Variants in HMCN1 observed in about 807,000 individuals in gnomAD.
HMCN1 encodes hemicentin 1.
HMCN1 carries 321 observed loss-of-function variants against 625.9 expected under a neutral mutation model. That is an observed-to-expected ratio of 0.51 (90% confidence interval 0.47 to 0.56). The LOEUF (loss-of-function observed/expected upper bound fraction) is 0.56, where lower values mean the gene tolerates loss of function less well. Among genes scored for constraint, HMCN1 ranks in the 20% least tolerant of loss-of-function variants. The pLI is 0.00. For synonymous variants in HMCN1, 2,425 were observed against 2,417.6 expected (o/e 1.00, Z -0.09); for missense variants, 6,588 against 6,887.3 (o/e 0.96, Z 1.54).
At chr1:186,027,598 T>G (rs2102182719) in intron 36 of HMCN1, among the ~76,000 whole-genome samples, 1 of 152,278 alleles carries the variant, frequency 6.6e-6, no homozygotes, top group South Asian at 2.1e-4. Context: ...GGAGGCTGTG[T>G]GAGGATTAAA....
At chr1:186,051,757 G>A (rs1656966435) in intron 42 of HMCN1, among the ~76,000 whole-genome samples, 1 of 152,052 alleles carries the variant, frequency 6.6e-6, no homozygotes, top group Admixed American at 6.6e-5. Context: ...GCTGAGTAGA[G>A]AAGTCGGTAA....
chr1:185,837,007 T>G (rs1661209567), intron 1 of HMCN1, among the ~76,000 whole-genome samples: 1 of 144,752 alleles, frequency 6.9e-6, no homozygotes, highest in African/African-American at 2.6e-5. Context: ...TATTCCATGG[T>G]GTGTGTGTGT....
intron 1 of HMCN1, among the ~76,000 whole-genome samples, chr1:185,763,204 A>G (rs1354929844): frequency 6.6e-6 from 1 of 152,220 alleles, no homozygotes; most frequent in Non-Finnish European, 1.5e-5. Context: ...GCACAAAGGC[A>G]CATGGCGACA....
At position 185,836,359 on chromosome 1, in the gene HMCN1, T is replaced by A. The variant is rs1205324983; in HGVS notation, c.269-9667T>A. On this transcript the variant is annotated intron_variant, in intron 1 of 106. Coordinates refer to ENST00000271588, the MANE Select transcript of HMCN1 (RefSeq NM_031935.3). ...CATTAATTTTTACTCTGGTGTTACC[T>A]TTCAGCACTTGTCCTTATGCACATG... Among the ~76,000 whole-genome samples the A allele has an allele frequency of 2.0e-5, 3 of 152,208 alleles. No homozygotes were observed. In the East Asian group the frequency reaches 5.8e-4, roughly 29 times the overall value.
chr1:186,113,910 C>A, intron 72 of HMCN1, 69 bp from the exon 73 acceptor site: 1 of 1,531,330 alleles, frequency 6.5e-7, no homozygotes, highest in Non-Finnish European at 9.0e-7. Flanking sequence ...TATATTACAT[C>A]TTCAGGGTCT....
At chr1:186,036,392 A>T (rs1254981057) in intron 36 of HMCN1, among the ~76,000 whole-genome samples, 1 of 152,078 alleles carries the variant, frequency 6.6e-6, no homozygotes, top group Non-Finnish European at 1.5e-5. Flanking sequence ...GGTGGCAGAC[A>T]AGAGAAGAGA....
intron 93 of HMCN1, among the ~76,000 whole-genome samples, chr1:186,150,569 A>G (rs1650602382): frequency 6.6e-6 from 1 of 152,168 alleles, no homozygotes; most frequent in African/African-American, 2.4e-5. Context: ...TCTAAAACCC[A>G]AGACTGAACA....
Position 185,870,522 on chromosome 1 carries a change from T to G in HMCN1, c.621+4659T>G, listed in dbSNP as rs115600331. ...GCCTGTTGTATTGGTCCGATTCTAA[T>G]AGATGTTACCATTACAATAAAAACA... On this transcript the variant is annotated intron_variant, in intron 4 of 106. Transcript: ENST00000271588. 8.6e-3 allele frequency among the ~76,000 whole-genome samples: 1,305 copies of G among 152,330 alleles called. 17 individuals carry two copies. Among genetic ancestry groups the G allele is most frequent in the African/African-American group, 0.03 (1,246 of 41,566 alleles).
At chr1:185,935,691 G>C (rs1190237033) in intron 11 of HMCN1, among the ~76,000 whole-genome samples, 1 of 152,086 alleles carries the variant, frequency 6.6e-6, no homozygotes, top group East Asian at 1.9e-4. Flanking sequence ...AGTTGGCCTT[G>C]AGTTTGAAGG....
intron 4 of HMCN1, among the ~76,000 whole-genome samples, chr1:185,871,003 G>C (rs957204875): frequency 6.6e-6 from 1 of 152,062 alleles, no homozygotes; most frequent in African/African-American, 2.4e-5. Context: ...AGGCCAAGGT[G>C]GGCGGATCAT....
intron 80 of HMCN1, among the ~76,000 whole-genome samples, chr1:186,120,771 G>A (rs1270897651): frequency 6.6e-6 from 1 of 152,022 alleles, no homozygotes; most frequent in Non-Finnish European, 1.5e-5. Context: ...AAATCTAATT[G>A]GTTTGTATTT....
intron 36 of HMCN1, among the ~76,000 whole-genome samples, chr1:186,030,763 T>G (rs1238536264): frequency 6.6e-6 from 1 of 151,914 alleles, no homozygotes; most frequent in Non-Finnish European, 1.5e-5. Context: ...GTTTTTCTCT[T>G]TCTCCATTGC....
chr1:186,055,213 A>G (rs948657910), intron 44 of HMCN1, among the ~76,000 whole-genome samples, 180 bp from the exon 45 acceptor site: 1 of 152,052 alleles, frequency 6.6e-6, no homozygotes, highest in Non-Finnish European at 1.5e-5. Flanking sequence ...CCCACTTAAC[A>G]CATTGGAGAA....
chr1:186,043,130 C>T (rs183031740), intron 40 of HMCN1, among the ~76,000 whole-genome samples: 51 of 152,146 alleles, frequency 3.4e-4, no homozygotes, highest in African/African-American at 1.1e-3. Context: ...TTCCCAGCAA[C>T]GACAACCCTA....
intron 95 of HMCN1, 32 bp from the exon 96 acceptor site, chr1:186,152,718 T>A (rs769008450): frequency 6.2e-7 from 1 of 1,613,032 alleles, no homozygotes; most frequent in South Asian, 1.1e-5. Flanking sequence ...CATATTTTTT[T>A]GCTGTCAAAA....
At chr1:185,847,300 G>A (rs1374297168) in intron 2 of HMCN1, among the ~76,000 whole-genome samples, 2 of 152,088 alleles carry the variant, frequency 1.3e-5, no homozygotes, top group African/African-American at 4.8e-5. Flanking sequence ...TGAGTCTCTG[G>A]TGAATTCATA....
chr1:185,948,939 T>C (rs909686447), intron 11 of HMCN1, among the ~76,000 whole-genome samples: 5 of 151,736 alleles, frequency 3.3e-5, no homozygotes, highest in African/African-American at 1.2e-4. Context: ...TGTGGGGTTG[T>C]TAGAAGAAGC....
intron 1 of HMCN1, among the ~76,000 whole-genome samples, chr1:185,785,410 C>G (rs973184037): frequency 9.9e-5 from 15 of 152,092 alleles, no homozygotes; most frequent in African/African-American, 3.6e-4. Flanking sequence ...AAAATTGTGC[C>G]TCGTCCTTAA....
chr1:186,076,331 A>C, intron 53 of HMCN1, 97 bp from the exon 54 acceptor site: 1 of 1,178,096 alleles, frequency 8.5e-7, no homozygotes, highest in East Asian at 2.5e-5. Context: ...CACATTGTCT[A>C]ATCTATTGCT....
Sources: allele counts gnomAD v4.1 joint callset (sites outside exome capture counted in the v4.1 genomes callset), GRCh38; gene constraint gnomAD v4.1.1; transcripts MANE v1.5; gene names NCBI Gene and HGNC (gene_info 2026-07-23, HGNC 2026-07-21).